SH3RF3: variants seen among roughly 807,000 people sequenced by gnomAD.
SH3RF3 encodes E3 ubiquitin-protein ligase SH3RF3.
SH3RF3 carries 29 observed loss-of-function variants against 66.3 expected under a neutral mutation model. The ratio of observed to expected loss-of-function variants is 0.44; its 90% confidence interval spans 0.33 to 0.60. The LOEUF (loss-of-function observed/expected upper bound fraction) is 0.60, where lower values mean the gene tolerates loss of function less well. SH3RF3 is among the 20% of genes least tolerant of loss of function. The pLI is 0.04. For synonymous variants in SH3RF3, 583 were observed against 532.0 expected, an observed-to-expected ratio of 1.10 and a Z score of -1.32; for missense variants, 1,194 against 1,190.9, an observed-to-expected ratio of 1.00 and a Z score of -0.04.
chr2:109,292,065 G>A (rs944930202), intron 1 of SH3RF3, among the ~76,000 whole-genome samples: 12 of 152,070 alleles, frequency 7.9e-5, no homozygotes, highest in Admixed American at 1.3e-4. Flanking sequence ...AGGTTTCACC[G>A]TGTTAGCCAG....
chr2:109,347,774 G>A lies in SH3RF3; in HGVS notation c.674G>A (p.Arg225His), dbSNP rs1200435927. 17 of 1,613,844 alleles carry A rather than the reference G, an allele frequency of 1.1e-5. No homozygotes were observed. Among genetic ancestry groups the A allele is most frequent in the East Asian group, 6.7e-5 (3 of 44,890 alleles). Residue 225 changes from arginine to histidine, a missense_variant, in exon 2 of 10, where the codon CGC becomes CAC. By Grantham distance (29) the Arg-to-His change is conservative. Coordinates refer to ENST00000309415, the MANE Select transcript of SH3RF3 (RefSeq NM_001099289.3). Reference sequence around the variant, plus strand: ...AAGGGGGACATCATCGTCCTGCGGCGCAAGGTGGATGAACAGTGGTACCAC... The same window carrying A: ...AAGGGGGACATCATCGTCCTGCGGCACAAGGTGGATGAACAGTGGTACCAC... ...FNKGDIIVLR[R>H]KVDEQWYHGE... is the part of the protein sequence containing the mutation.
intron 8 of SH3RF3, among the ~76,000 whole-genome samples, chr2:109,477,854 A>C (rs1678729736): frequency 6.6e-6 from 1 of 152,148 alleles, no homozygotes; most frequent in Non-Finnish European, 1.5e-5. Context: ...AGGCTATCAC[A>C]CTGGGAGCTG....
At chr2:109,193,003 A>T (rs1390498126) in intron 1 of SH3RF3, among the ~76,000 whole-genome samples, 3 of 152,248 alleles carry the variant, frequency 2.0e-5, no homozygotes, top group Admixed American at 6.5e-5. Flanking sequence ...GAAACCTGCA[A>T]GTTGGAAAAG....
In SH3RF3 at chr2:109,349,950, G is replaced by A. The variant is rs552820274; in HGVS notation, c.849+2001G>A. Among the ~76,000 whole-genome samples, 8 of 152,356 alleles carry A rather than the reference G, an allele frequency of 5.3e-5. No homozygotes were observed. In the South Asian group the frequency reaches 1.5e-3, roughly 28 times the overall value. On this transcript the variant is annotated intron_variant, in intron 2 of 9. Transcript: ENST00000309415. ...ATACCGGGCCCTGACTCTGTGTCGGGTACTAGACCTGCTGCTCTTCTGGAG... is the reference window on the plus strand; with the variant it reads ...ATACCGGGCCCTGACTCTGTGTCGGATACTAGACCTGCTGCTCTTCTGGAG...
At chr2:109,319,359 T>G (rs1052802620) in intron 1 of SH3RF3, among the ~76,000 whole-genome samples, 4 of 152,236 alleles carry the variant, frequency 2.6e-5, no homozygotes, top group African/African-American at 9.6e-5. Context: ...AGAGACAATG[T>G]CCTGAGCTGT....
At chr2:109,208,112 T>G (rs984869851) in intron 1 of SH3RF3, among the ~76,000 whole-genome samples, 8 of 152,238 alleles carry the variant, frequency 5.3e-5, no homozygotes, top group Non-Finnish European at 1.5e-5. Flanking sequence ...CAGACACACA[T>G]GCTGCTGCCC....
intron 1 of SH3RF3, among the ~76,000 whole-genome samples, chr2:109,200,211 C>T (rs1678637208): frequency 6.6e-6 from 1 of 151,990 alleles, no homozygotes; most frequent in African/African-American, 2.4e-5. Flanking sequence ...CCAGAACACC[C>T]CATCTGCAGA....
chr2:109,488,914 A>G (rs897907678), intron 8 of SH3RF3, among the ~76,000 whole-genome samples: 6 of 152,228 alleles, frequency 3.9e-5, no homozygotes, highest in Non-Finnish European at 8.8e-5. Flanking sequence ...GGAGTCAGGT[A>G]TCTGGATCCC....
At chr2:109,328,450 C>G (rs531727226) in intron 1 of SH3RF3, among the ~76,000 whole-genome samples, 1 of 152,300 alleles carries the variant, frequency 6.6e-6, no homozygotes, top group South Asian at 2.1e-4. Context: ...TCCTCCATTC[C>G]CTGTATTTCC....
chr2:109,441,380 A>G (rs1280685983), intron 7 of SH3RF3, among the ~76,000 whole-genome samples: 1 of 152,242 alleles, frequency 6.6e-6, no homozygotes, highest in Non-Finnish European at 1.5e-5. Context: ...ACTTCTAGAA[A>G]TAAAAACTAC....
intron 1 of SH3RF3, among the ~76,000 whole-genome samples, chr2:109,203,063 A>G (rs17035138): frequency 0.031 from 4,765 of 152,242 alleles, 251 homozygotes; most frequent in African/African-American, 0.11. Flanking sequence ...GAGGCTCCAA[A>G]GGCTACAGAA....
At position 109,239,611 on chromosome 2, in the gene SH3RF3, G is replaced by A. The variant is rs376211304; in HGVS notation, c.574-108063G>A. Among the ~76,000 whole-genome samples, 23 of 152,286 alleles carry A rather than the reference G, an allele frequency of 1.5e-4. No homozygotes were observed. In the East Asian group the frequency reaches 3.5e-3, roughly 23 times the overall value. ...CACGAGACTGGGTACAGAGCCAGGC[G>A]TGATCATCCAGGATAACAGGGAGGA... On this transcript the variant is annotated intron_variant, in intron 1 of 9. Transcript: ENST00000309415.
At chr2:109,247,909 T>C (rs1192075939) in intron 1 of SH3RF3, among the ~76,000 whole-genome samples, 2 of 152,142 alleles carry the variant, frequency 1.3e-5, no homozygotes, top group Non-Finnish European at 2.9e-5. Flanking sequence ...GGACTGAAGG[T>C]CCCAGTAAGC....
chr2:109,379,403 C>T (rs72824720), intron 3 of SH3RF3, among the ~76,000 whole-genome samples: 420 of 152,290 alleles, frequency 2.8e-3, no homozygotes, highest in Non-Finnish European at 5.2e-3. Flanking sequence ...AAGCCCGTCC[C>T]GTGGTCCCAC....
chr2:109,203,844 G>A (rs910103653), intron 1 of SH3RF3, among the ~76,000 whole-genome samples: 2 of 152,134 alleles, frequency 1.3e-5, no homozygotes, highest in African/African-American at 4.8e-5. Flanking sequence ...TTGTGTGGGT[G>A]CCTCGCTACC....
At chr2:109,145,736 C>G (rs1677081592) in intron 1 of SH3RF3, among the ~76,000 whole-genome samples, 1 of 152,212 alleles carries the variant, frequency 6.6e-6, no homozygotes, top group Non-Finnish European at 1.5e-5. Flanking sequence ...ATCCGTTGAG[C>G]CTCCCCACCC....
chr2:109,192,971 G>T (rs141705819), intron 1 of SH3RF3, among the ~76,000 whole-genome samples: 73 of 152,324 alleles, frequency 4.8e-4, no homozygotes, highest in African/African-American at 1.7e-3. Context: ...AAGAGGTATT[G>T]TGATGAACCT....
intron 1 of SH3RF3, among the ~76,000 whole-genome samples, chr2:109,327,990 A>G (rs1559025923): frequency 1.3e-5 from 2 of 152,272 alleles, no homozygotes; most frequent in African/African-American, 4.8e-5. Flanking sequence ...GCAGCTGTCA[A>G]CATGGTGCCA....
At chr2:109,187,382 A>G (rs1345346983) in intron 1 of SH3RF3, among the ~76,000 whole-genome samples, 1 of 150,038 alleles carries the variant, frequency 6.7e-6, no homozygotes, top group African/African-American at 2.5e-5. Flanking sequence ...TAAAGGTATT[A>G]TTTAGAAAAA....
Sources: allele counts gnomAD v4.1 joint callset (sites outside exome capture counted in the v4.1 genomes callset), GRCh38; gene constraint gnomAD v4.1.1; transcripts MANE v1.5; gene names NCBI Gene and HGNC (gene_info 2026-07-23, HGNC 2026-07-21).